The following C1RL variants were observed in gnomAD, a reference collection of about 807,000 sequenced individuals.
C1RL encodes the protein complement C1r subcomponent like, also known as complement C1r subcomponent-like protein.
A neutral mutation model predicts 27.9 loss-of-function variants in C1RL; 27 were observed. That is an observed-to-expected ratio of 0.97 (90% CI 0.71 to 1.33). C1RL has a LOEUF of 1.33. C1RL is among the 40% of genes most tolerant of loss of function. The pLI is 0.00. For synonymous variants in C1RL, 248 were observed against 252.1 expected (o/e 0.98, Z 0.15); for missense variants, 563 against 623.9 (o/e 0.90, Z 1.04).
chr12:7,101,758 G>T, intron 3 of C1RL, 140 bp downstream of exon 3: 1 of 858,992 alleles, frequency 1.2e-6, no homozygotes, highest in Non-Finnish European at 1.9e-6. Context: ...TGCCAGCAGG[G>T]GCAGGGCTGG....
chr12:7,103,996 CA>C (rs1938695025), intron 2 of C1RL, among the ~76,000 whole-genome samples: 1 of 152,230 alleles, frequency 6.6e-6, no homozygotes, highest in South Asian at 2.1e-4. Context: ...CGTATGACAG[CA>C]AAGGGATAAA....
Position 7,108,510 on chromosome 12 carries a change from C to G in C1RL, c.72-31G>C, listed in dbSNP as rs749356445. The G allele has an allele frequency of 2.0e-6, 3 of 1,535,472 alleles. No homozygotes were observed. In the Admixed American group the frequency reaches 5.7e-5, roughly 29 times the overall value. ...AGTTGGGGGGAGGGCAAGGTGGGGC[C>G]GCGCAGCTATGGCCGGAAGCCTGTG... On this transcript the variant is annotated intron_variant, in intron 1 of 5. Transcript: ENST00000266542.
In C1RL at chr12:7,095,389, C is replaced by T; in HGVS notation, c.*1002G>A. The T allele has an allele frequency of 9.9e-7, 1 of 1,013,040 alleles. No individual in the cohort carries two copies. The highest frequency in any genetic ancestry group is 3.5e-5 in the South Asian group (1 of 28,696). The allele number at this position is 1,013,040 out of a possible 1,614,324, so 62.8% of individuals were successfully genotyped here. On this transcript the variant is annotated 3_prime_UTR_variant, in exon 6 of 6. Coordinates refer to ENST00000266542, the MANE Select transcript of C1RL (RefSeq NM_016546.4). ...TCGGACTCCTAAGGTGTTGGGATTA[C>T]AGGCGTGAGCCACTGCGCCCGGCCC...
intron 3 of C1RL, among the ~76,000 whole-genome samples, chr12:7,100,744 G>A (rs7136097): frequency 0.29 from 43,877 of 151,904 alleles, 6,580 homozygotes; most frequent in Admixed American, 0.38. Flanking sequence ...AAGAGACTGC[G>A]CCACTGCACT....
chr12:7,099,667 C>G lies in C1RL; in HGVS notation c.691+19G>C. On this transcript the variant is annotated intron_variant, in intron 5 of 5. Transcript: ENST00000266542. ...GCTGAGGCTTGTTGGGGGAATGGTG[C>G]TAGCAGGTGGCTACTCACCAGGCAT... 6.4e-7 allele frequency: 1 copy of G among 1,551,694 alleles called. No individual in the cohort carries two copies. Among genetic ancestry groups the G allele is most frequent in the Non-Finnish European group, 8.7e-7 (1 of 1,146,916 alleles).
chr12:7,099,225 C>CAA (rs1180325788), intron 5 of C1RL, among the ~76,000 whole-genome samples: 3,915 of 44,368 alleles, frequency 0.088, 708 homozygotes, highest in East Asian at 0.21. Flanking sequence ...AACTCCATCC[C>CAA]AAAAAAAAAA....
Position 7,109,109 on chromosome 12 carries a change from C to G in C1RL, c.71+1G>C, listed in dbSNP as rs919051211. On this transcript the variant is annotated splice_donor_variant, in intron 1 of 5. Coordinates refer to ENST00000266542, the MANE Select transcript of C1RL (RefSeq NM_016546.4). LOFTEE classifies it high-confidence loss of function. The stretch of plus-strand genomic sequence containing the variant: ...TCCTCCTCTGCCGGGGCCACACTCA[C>G]ATTGCGCCTGGACAGCCTTTGGAGT... 2 of 1,590,218 alleles carry G rather than the reference C, an allele frequency of 1.3e-6. No homozygotes were observed. The highest frequency in any genetic ancestry group is 2.7e-5 in the African/African-American group (2 of 74,482).
In C1RL at chr12:7,095,821, G is replaced by T; in HGVS notation, c.*570C>A. 1 of 765,082 alleles carries T rather than the reference G, an allele frequency of 1.3e-6. No homozygotes were observed. The highest frequency in any genetic ancestry group is 1.6e-6 in the Non-Finnish European group (1 of 629,176). 47.4% of individuals were successfully genotyped at this position (765,082 alleles called of 1,614,324 possible). On this transcript the variant is annotated 3_prime_UTR_variant, in exon 6 of 6. Transcript: ENST00000266542. ...ATAATAACACATCCTTTGCAAATAT[G>T]GTATGAGGATTAAGTGAAATAACAG...
Position 7,099,949 on chromosome 12 carries a change from T to C in C1RL, c.568A>G (p.Lys190Glu), listed in dbSNP as rs1283916708. 3.1e-6 allele frequency: 5 copies of C among 1,614,090 alleles called. No homozygotes were observed. The highest frequency in any genetic ancestry group is 2.2e-5 in the East Asian group (1 of 44,862). ...GGCTCCTGGCAGTGGTTCTGGACCT[T>C]GGCAGGGTTGTCTCCAGGTGCGTTG... Reference protein sequence around the residue: ...AINAPGDNPAKVQNHCQEPYY... With the variant: ...AINAPGDNPAEVQNHCQEPYY... The change falls in exon 4 of 6, where the codon AAG (lysine) becomes GAG (glutamate). Residue 190 changes from lysine (K) to glutamate (E), a missense_variant. Lys to Glu is a moderately conservative substitution (Grantham distance 56). Transcript: ENST00000266542.
At chr12:7,101,417 C>T (rs1051537186) in intron 3 of C1RL, among the ~76,000 whole-genome samples, 7 of 151,486 alleles carry the variant, frequency 4.6e-5, no homozygotes, top group Non-Finnish European at 1.0e-4. Context: ...TACAGGTGTG[C>T]ACCACCATGC....
rs369735167 is a variant in C1RL, at chr12:7,109,205, C to A, written c.-25G>T. ...TCTGGAACTGGACATCTGGGACCTGCGAGAGAACTGGCCCAGGATAGGGAA... is the reference window on the plus strand; with the variant it reads ...TCTGGAACTGGACATCTGGGACCTGAGAGAGAACTGGCCCAGGATAGGGAA... On this transcript the variant is annotated 5_prime_UTR_variant, in exon 1 of 6. Transcript: ENST00000266542. 2.9e-4 allele frequency: 448 copies of A among 1,546,842 alleles called. No individual in the cohort carries two copies. The highest frequency in any genetic ancestry group is 5.0e-4 in the Middle Eastern group (3 of 5,970).
intron 5 of C1RL, chr12:7,097,364 C>T: frequency 1.9e-6 from 1 of 527,914 alleles, no homozygotes. Flanking sequence ...CTCACTGCAA[C>T]CTCCGCCTCC....
At position 7,099,479 on chromosome 12, in the gene C1RL, T is replaced by A. The variant is rs558893585; in HGVS notation, c.691+207A>T. 241 of 983,982 alleles carry A rather than the reference T, an allele frequency of 2.4e-4. 3 individuals are homozygous for A. In the South Asian group the frequency reaches 8.3e-3, roughly 34 times the overall value. 61.0% of individuals were successfully genotyped at this position (983,982 alleles called of 1,614,324 possible). A position where few individuals can be genotyped will look rare whatever the true frequency, so the allele number is the denominator to read the frequency against. ...ATCTCATGAACGTCCTTCATGCTTT[T>A]CCTCAGATATATCTTGACCCCTGAA... is the stretch of plus-strand genomic sequence containing the variant. On this transcript the variant is annotated intron_variant, in intron 5 of 5. Transcript: ENST00000266542.
chr12:7,102,017 C>G lies in C1RL; in HGVS notation c.371G>C (p.Gly124Ala). The G allele has an allele frequency of 6.2e-7, 1 of 1,614,176 alleles. No individual in the cohort carries two copies. The highest frequency in any genetic ancestry group is 8.5e-7 in the Non-Finnish European group (1 of 1,179,990). The part of the protein sequence containing the change: ...QQGSPLGRPP[G>A]QREFVSSGRS... ...CCCTGAGGATACAAACTCCCTCTGA[C>G]CAGGGGGCCTGCCCAGAGGGGAGCC... is the stretch of plus-strand genomic sequence containing the variant. Residue 124 changes from glycine (G) to alanine (A), a missense_variant, in exon 3 of 6, where the codon GGT becomes GCT. Gly to Ala is a moderately conservative substitution (Grantham distance 60). Transcript: ENST00000266542.
Position 7,096,331 on chromosome 12 carries a change from A to G in C1RL, c.*60T>C. The G allele has an allele frequency of 8.9e-7, 1 of 1,123,204 alleles. No homozygotes were observed. The highest frequency in any genetic ancestry group is 1.1e-6 in the Non-Finnish European group (1 of 904,046). The allele number at this position is 1,123,204 out of a possible 1,614,324, so 69.6% of individuals were successfully genotyped here. A position where few individuals can be genotyped will look rare whatever the true frequency, so the allele number is the denominator to read the frequency against. The stretch of plus-strand genomic sequence containing the variant: ...TACCCCAGTGTTCAGTCCTCACTCC[A>G]GGCCCTCTGTTGCCTGGGGCCTCCA... On this transcript the variant is annotated 3_prime_UTR_variant, in exon 6 of 6. Transcript: ENST00000266542.
At chr12:7,099,048 A>AT (rs1565635797) in intron 5 of C1RL, among the ~76,000 whole-genome samples, 2 of 149,866 alleles carry the variant, frequency 1.3e-5, no homozygotes, top group African/African-American at 4.9e-5. Context: ...ATACAAAAAA[A>AT]AAAAAAAAAT....
chr12:7,095,072 T>G lies in C1RL; in HGVS notation c.*1319A>C. The G allele has an allele frequency of 8.5e-7, 1 of 1,176,680 alleles. No homozygotes were observed. Among genetic ancestry groups the G allele is most frequent in the Non-Finnish European group, 1.1e-6 (1 of 940,272 alleles). The allele number at this position is 1,176,680 out of a possible 1,614,324, so 72.9% of individuals were successfully genotyped here. On this transcript the variant is annotated 3_prime_UTR_variant, in exon 6 of 6. Coordinates refer to ENST00000266542, the MANE Select transcript of C1RL (RefSeq NM_016546.4). ...TATGGTGTTTATTTTCTATTTCCAT[T>G]GAACAGTTGTATTTTATTTGTGTCT...
intron 5 of C1RL, chr12:7,098,471 C>A: frequency 6.6e-6 from 1 of 152,176 alleles, no homozygotes. Context: ...AGGTATATAC[C>A]CAGGAGATTT....
In C1RL at chr12:7,094,570, T is replaced by TATA. The variant is rs11343911; in HGVS notation, c.*1820_*1821insTAT. ...ACATATAAATATAGGTATATATATA[T>TATA]TTTTTTGCCTTGGCAGGGAGAAACT... is the stretch of plus-strand genomic sequence containing the variant. On this transcript the variant is annotated 3_prime_UTR_variant, in exon 6 of 6. Coordinates refer to ENST00000266542, the MANE Select transcript of C1RL (RefSeq NM_016546.4). The TATA allele has an allele frequency of 3.7e-4, 273 of 735,000 alleles. 1 individual carries two copies. In the African/African-American group the frequency reaches 4.2e-3, roughly 11 times the overall value. The allele number at this position is 735,000 out of a possible 1,614,324, so 45.5% of individuals were successfully genotyped here.
Sources: allele counts gnomAD v4.1 joint callset (sites outside exome capture counted in the v4.1 genomes callset), GRCh38; gene constraint gnomAD v4.1.1; transcripts MANE v1.5; gene names NCBI Gene and HGNC (gene_info 2026-07-23, HGNC 2026-07-21).